PNPT1: variants seen among roughly 807,000 people sequenced by gnomAD.
PNPT1 encodes polyribonucleotide nucleotidyltransferase 1.
PNPT1 carries 53 observed loss-of-function variants against 119.5 expected under a neutral mutation model. The ratio of observed to expected loss-of-function variants is 0.44; its 90% CI spans 0.36 to 0.56. The LOEUF is 0.56. Ranked by LOEUF, PNPT1 falls within the 20% of genes least tolerant of loss-of-function variation. PNPT1 has a pLI of 0.00. For missense variants in PNPT1, 948 were observed against 938.5 expected, an observed-to-expected ratio of 1.01 and a Z score of -0.13; for synonymous variants, 357 against 322.1, an observed-to-expected ratio of 1.11 and a Z score of -1.16.
chr2:55,669,327 T>C (rs1443883776), intron 11 of PNPT1, among the ~76,000 whole-genome samples: 1 of 152,236 alleles, frequency 6.6e-6, no homozygotes, highest in Non-Finnish European at 1.5e-5. Context: ...AGGGTTTAGA[T>C]GTTAAGCTAT....
At chr2:55,682,804 G>C (rs991206070) in intron 5 of PNPT1, among the ~76,000 whole-genome samples, 1 of 152,024 alleles carries the variant, frequency 6.6e-6, no homozygotes, top group Non-Finnish European at 1.5e-5. Context: ...AGCTACTTAG[G>C]AGGCTAAATT....
At chr2:55,638,546 G>A (rs1389563947) in intron 26 of PNPT1, among the ~76,000 whole-genome samples, 4 of 151,904 alleles carry the variant, frequency 2.6e-5, no homozygotes, top group Non-Finnish European at 5.9e-5. Flanking sequence ...CTTCTCCAGA[G>A]GCTAAGGTGG....
chr2:55,667,131 T>C (rs1413383244), intron 12 of PNPT1, 38 bp from the exon 13 acceptor site: 2 of 1,489,940 alleles, frequency 1.3e-6, no homozygotes, highest in Non-Finnish European at 9.3e-7. Context: ...TAAGTAACGC[T>C]GGAAACAGAA....
chr2:55,688,565 A>C (rs894448815), intron 1 of PNPT1, among the ~76,000 whole-genome samples: 3 of 152,096 alleles, frequency 2.0e-5, no homozygotes, highest in African/African-American at 4.8e-5. Flanking sequence ...TCTCTACAAA[A>C]AATATCAAAA....
intron 2 of PNPT1, among the ~76,000 whole-genome samples, chr2:55,686,780 C>G (rs577906525): frequency 2.6e-5 from 4 of 152,206 alleles, no homozygotes; most frequent in African/African-American, 9.6e-5. Flanking sequence ...TAGAAAAGCA[C>G]AACAGAATTT....
chr2:55,640,611 A>C lies in PNPT1; in HGVS notation c.2148+16T>G, dbSNP rs371761857. 1 of 1,542,780 alleles carries C rather than the reference A, an allele frequency of 6.5e-7. No individual in the cohort carries two copies. The highest frequency in any genetic ancestry group is 1.4e-5 in the African/African-American group (1 of 73,222). Reference sequence around the variant, plus strand: ...GGCAGTTATAAAAATAATAACAATAACATCTGTCTTTTTACCTTTCGTTGA... The same window carrying C: ...GGCAGTTATAAAAATAATAACAATACCATCTGTCTTTTTACCTTTCGTTGA... On this transcript the variant is annotated intron_variant, in intron 26 of 27. Transcript: ENST00000447944.
At chr2:55,684,700 T>A (rs541879839) in intron 4 of PNPT1, among the ~76,000 whole-genome samples, 3 of 152,268 alleles carry the variant, frequency 2.0e-5, no homozygotes, top group Non-Finnish European at 4.4e-5. Flanking sequence ...AACAAATATT[T>A]ATTGAATGCC....
chr2:55,685,949 AG>A (rs1300196967), intron 3 of PNPT1, among the ~76,000 whole-genome samples: 1 of 152,212 alleles, frequency 6.6e-6, no homozygotes, highest in Non-Finnish European at 1.5e-5. Context: ...CAAGAAAAAA[AG>A]TCTGTACATA....
At position 55,671,940 on chromosome 2, in the gene PNPT1, T is replaced by C. The variant is rs1029995409; in HGVS notation, c.918+55A>G. ...TTCATAAAGAAAATTACATGAGTTATGACAAAAATGTATTCCTAGGGCAAT... is the reference window on the plus strand; with the variant it reads ...TTCATAAAGAAAATTACATGAGTTACGACAAAAATGTATTCCTAGGGCAAT... On this transcript the variant is annotated intron_variant, in intron 10 of 27. Transcript: ENST00000447944. The C allele has an allele frequency of 3.8e-6, 5 of 1,322,826 alleles. No individual in the cohort carries two copies. In the East Asian group the frequency reaches 7.3e-5, roughly 19 times the overall value. 81.9% of individuals were successfully genotyped at this position (1,322,826 alleles called of 1,614,324 possible).
intron 10 of PNPT1, 88 bp from the exon 11 acceptor site, chr2:55,671,464 TGA>T: frequency 1.5e-5 from 11 of 718,510 alleles, no homozygotes; most frequent in Non-Finnish European, 2.4e-5. Context: ...GAACACATTG[TGA>T]ATTACTCTGA....
At chr2:55,638,458 G>A (rs1248208999) in intron 26 of PNPT1, among the ~76,000 whole-genome samples, 3 of 152,010 alleles carry the variant, frequency 2.0e-5, no homozygotes, top group Non-Finnish European at 4.4e-5. Flanking sequence ...ACCAGACTGG[G>A]CAACGTGAAG....
chr2:55,656,943 G>A (rs1033555520), intron 15 of PNPT1, among the ~76,000 whole-genome samples: 1 of 152,296 alleles, frequency 6.6e-6, no homozygotes. Flanking sequence ...TTTAGCCAGT[G>A]GTTGCAAACT....
chr2:55,640,359 G>T (rs770623479), intron 26 of PNPT1, among the ~76,000 whole-genome samples: 3 of 152,086 alleles, frequency 2.0e-5, no homozygotes, highest in Non-Finnish European at 2.9e-5. Context: ...TCACCATGTT[G>T]GTCAGGATGG....
At chr2:55,654,506 G>A (rs1266377565) in intron 18 of PNPT1, among the ~76,000 whole-genome samples, 1 of 152,034 alleles carries the variant, frequency 6.6e-6, no homozygotes, top group Non-Finnish European at 1.5e-5. Context: ...TCTACCTTTT[G>A]GAAGGAAATA....
chr2:55,686,414 C>T lies in PNPT1; in HGVS notation c.253G>A (p.Val85Ile), dbSNP rs1016856864. 1 of 1,614,000 alleles carries T rather than the reference C, an allele frequency of 6.2e-7. No individual in the cohort carries two copies. The highest frequency in any genetic ancestry group is 1.7e-5 in the Admixed American group (1 of 60,002). ...GAAGGGGAAGGTTTTGTTTTACTGA[C>T]CGCTGTGACCATTACTGCAGTGTCA... is the stretch of plus-strand genomic sequence containing the variant. ...SGDTAVMVTA[V>I]SKTKPSPSQF... The change falls in exon 3 of 28, where the codon GTC becomes ATC. Residue 85 changes from valine to isoleucine, a missense_variant. Transcript: ENST00000447944.
chr2:55,645,270 C>T (rs941171330), intron 22 of PNPT1, 79 bp downstream of exon 22: 18 of 894,090 alleles, frequency 2.0e-5, no homozygotes, highest in African/African-American at 1.4e-4. Context: ...GTGATCCGCT[C>T]GCCTCGGCCT....
rs1697352781 is a variant in PNPT1 at position 55,684,856 on chromosome 2, A to C, written c.403+87T>G. The C allele has an allele frequency of 6.6e-6, 9 of 1,355,902 alleles. No homozygotes were observed. In the Admixed American group the frequency reaches 1.2e-4, roughly 19 times the overall value. 84.0% of individuals were successfully genotyped at this position (1,355,902 alleles called of 1,614,324 possible). ...TGTTAATGCTATGAAGGAAAACTTA[A>C]GACTTATTGTAGAACACAGATGCAA... On this transcript the variant is annotated intron_variant, in intron 4 of 27. Transcript: ENST00000447944.
chr2:55,670,667 G>A (rs1165928606), intron 11 of PNPT1, among the ~76,000 whole-genome samples: 2 of 151,986 alleles, frequency 1.3e-5, no homozygotes, highest in Non-Finnish European at 2.9e-5. Context: ...CCATAAACCA[G>A]GTATTATTAA....
At chr2:55,640,836 C>A in intron 25 of PNPT1, 131 bp from the exon 26 acceptor site, 1 of 601,630 alleles carries the variant, frequency 1.7e-6, no homozygotes, top group East Asian at 2.9e-5. Flanking sequence ...GTTTTTAGAA[C>A]TATAAAAAGT....
Sources: gnomAD v4.1 joint callset for allele counts (sites outside exome capture counted in the v4.1 genomes callset) on GRCh38, gnomAD v4.1.1 for gene constraint, MANE v1.5 for transcripts, NCBI Gene and HGNC (gene_info 2026-07-23, HGNC 2026-07-21) for gene names.